The following KATNAL2 variants were observed in gnomAD, a reference collection of about 807,000 sequenced individuals.
The protein encoded by KATNAL2 is katanin catalytic subunit A1 like 2, also known as katanin p60 ATPase-containing subunit A-like 2.
A neutral mutation model predicts 76.3 loss-of-function variants in KATNAL2; 52 were observed. The observed-to-expected ratio is 0.68, with a 90% CI of 0.55 to 0.86. KATNAL2 has a LOEUF of 0.86. Among genes scored for constraint, KATNAL2 ranks in the 40% least tolerant of loss-of-function variants. The probability of loss-of-function intolerance (pLI) is 0.00; values close to 1 mark genes in which losing one functional copy is unlikely to be tolerated. For missense variants in KATNAL2, 660 were observed against 668.9 expected (o/e 0.99, Z 0.15); for synonymous variants, 243 against 244.2 (o/e 1.00, Z 0.05).
chr18:47,060,828 T>A (rs1370658591), intron 8 of KATNAL2, among the ~76,000 whole-genome samples: 1 of 152,214 alleles, frequency 6.6e-6, no homozygotes, highest in Non-Finnish European at 1.5e-5. Flanking sequence ...GCCATGGGAA[T>A]CAACACCTCC....
chr18:46,947,282 A>G (rs1040193064), intron 3 of KATNAL2, among the ~76,000 whole-genome samples: 6 of 152,252 alleles, frequency 3.9e-5, no homozygotes, highest in African/African-American at 1.2e-4. Flanking sequence ...GTTGAAAGAC[A>G]GGAAAACATT....
chr18:46,927,904 C>T (rs952778453), intron 1 of KATNAL2, among the ~76,000 whole-genome samples: 13 of 152,194 alleles, frequency 8.5e-5, no homozygotes, highest in Admixed American at 1.3e-4. Flanking sequence ...GCATTCGTCA[C>T]GTAGCTCTTG....
chr18:46,945,455 A>G (rs778696888), intron 1 of KATNAL2, among the ~76,000 whole-genome samples: 8 of 152,212 alleles, frequency 5.3e-5, no homozygotes, highest in Non-Finnish European at 1.0e-4. Flanking sequence ...AGCCAAATAA[A>G]CTACTCATTA....
rs183747524 is a variant in KATNAL2, at chr18:47,069,982, C to A, written c.1008+382C>A. ...TGAGAGGCTACTACTGTATGTTAGTCCCTATGCTAGATACTCTAAGAAAGA... is the reference window on the plus strand; with the variant it reads ...TGAGAGGCTACTACTGTATGTTAGTACCTATGCTAGATACTCTAAGAAAGA... On this transcript the variant is annotated intron_variant, in intron 13 of 17. Transcript: ENST00000683218. Among the ~76,000 whole-genome samples, 247 of 152,242 alleles carry A rather than the reference C, an allele frequency of 1.6e-3. 1 individual carries two copies. Among genetic ancestry groups the A allele is most frequent in the African/African-American group, 5.2e-3 (214 of 41,548 alleles).
At position 47,101,501 on chromosome 18, in the gene KATNAL2, A is replaced by G. The variant is rs1186869953; in HGVS notation, c.*496A>G. ...GTTTCTCATTCCGGACAATATTCTG[A>G]ATCTCATCAGCTCCCCCTAATTCTG... On this transcript the variant is annotated 3_prime_UTR_variant, in exon 18 of 18. Coordinates refer to ENST00000683218, the MANE Select transcript of KATNAL2 (RefSeq NM_001387690.1). 6.2e-6 allele frequency: 1 copy of G among 160,050 alleles called. No individual in the cohort carries two copies. Among genetic ancestry groups the G allele is most frequent in the African/African-American group, 2.4e-5 (1 of 41,574 alleles). The allele number at this position is 160,050 out of a possible 1,614,324, so 9.9% of individuals were successfully genotyped here.
chr18:46,944,375 A>G (rs1382308651), intron 1 of KATNAL2, among the ~76,000 whole-genome samples: 1 of 152,238 alleles, frequency 6.6e-6, no homozygotes, highest in Non-Finnish European at 1.5e-5. Context: ...ACGCGGTATA[A>G]TGAGTATTAA....
chr18:46,946,923 G>C lies in KATNAL2; in HGVS notation c.51G>C (p.Ala17=). ...AATTCACGCATCAGGCGCGGGAAGC[G>C]GTAAGGAACGCATATATAAAACATG... The part of the protein sequence containing the change: ...TLKFTHQARE[A]CEMRTEARRK... Residue 17 remains alanine (A), a splice_region_variant and synonymous_variant, in exon 3 of 18, where the codon GCG becomes GCC. Transcript: ENST00000683218. The C allele has an allele frequency of 6.6e-7, 1 of 1,521,566 alleles. No individual in the cohort carries two copies. The highest frequency in any genetic ancestry group is 8.8e-7 in the Non-Finnish European group (1 of 1,133,574). The allele number at this position is 1,521,566 out of a possible 1,614,324, so 94.3% of individuals were successfully genotyped here. A position where few individuals can be genotyped will look rare whatever the true frequency, so the allele number is the denominator to read the frequency against.
At chr18:47,061,853 C>CTAT (rs1221978989) in intron 8 of KATNAL2, among the ~76,000 whole-genome samples, 29 of 119,400 alleles carry the variant, frequency 2.4e-4, no homozygotes, top group African/African-American at 7.8e-4. Flanking sequence ...TAAATGTTAA[C>CTAT]TATTATTATT....
At chr18:46,936,148 C>T (rs900531725) in intron 1 of KATNAL2, among the ~76,000 whole-genome samples, 3 of 152,162 alleles carry the variant, frequency 2.0e-5, no homozygotes, top group Non-Finnish European at 4.4e-5. Context: ...ATACCTATCT[C>T]AGTAACTGAG....
At chr18:46,948,950 G>A (rs562736887) in intron 3 of KATNAL2, among the ~76,000 whole-genome samples, 1 of 151,352 alleles carries the variant, frequency 6.6e-6, no homozygotes, top group Admixed American at 6.6e-5. Context: ...CATTCAGGCT[G>A]GAGTGCAGTG....
intron 4 of KATNAL2, among the ~76,000 whole-genome samples, chr18:47,049,119 A>G (rs576664641): frequency 6.6e-6 from 1 of 152,262 alleles, no homozygotes; most frequent in African/African-American, 2.4e-5. Flanking sequence ...CACCGCGCCC[A>G]GCCCAGACTA....
chr18:46,921,867 A>T (rs2058563914), intron 1 of KATNAL2, among the ~76,000 whole-genome samples: 1 of 151,996 alleles, frequency 6.6e-6, no homozygotes, highest in Admixed American at 6.6e-5. Context: ...ATTAGACTTT[A>T]CTGATTTTAA....
chr18:46,931,255 G>A (rs143324911), intron 1 of KATNAL2, among the ~76,000 whole-genome samples: 1,888 of 146,324 alleles, frequency 0.013, 36 homozygotes, highest in African/African-American at 0.043. Flanking sequence ...AGCTGAGATC[G>A]CTCCACTGCA....
In KATNAL2 at chr18:46,920,485, C is replaced by T. The variant is rs373811474; in HGVS notation, c.-510+2559C>T. Among the ~76,000 whole-genome samples the T allele has an allele frequency of 3.3e-5, 5 of 152,194 alleles. No individual in the cohort carries two copies. In the East Asian group the frequency reaches 9.6e-4, roughly 29 times the overall value. On this transcript the variant is annotated intron_variant, in intron 1 of 17. Coordinates refer to ENST00000683218, the MANE Select transcript of KATNAL2 (RefSeq NM_001387690.1). ...CTCAGCATTGACTTTGATACTCACTCTGCCTCTGTACTGGCCAGTTTTCTT... is the reference window on the plus strand; with the variant it reads ...CTCAGCATTGACTTTGATACTCACTTTGCCTCTGTACTGGCCAGTTTTCTT...
At chr18:47,057,876 A>G (rs1423307714) in intron 6 of KATNAL2, among the ~76,000 whole-genome samples, 3 of 152,234 alleles carry the variant, frequency 2.0e-5, no homozygotes, top group Admixed American at 1.3e-4. Flanking sequence ...CTCCTGGTCT[A>G]ATGCTCCTTT....
intron 13 of KATNAL2, among the ~76,000 whole-genome samples, chr18:47,073,978 A>C (rs2062098210): frequency 6.6e-6 from 1 of 152,178 alleles, no homozygotes; most frequent in African/African-American, 2.4e-5. Context: ...TGAGCACCTT[A>C]AAAACATGTA....
chr18:47,096,093 G>T (rs766014157), intron 15 of KATNAL2, among the ~76,000 whole-genome samples: 3 of 152,170 alleles, frequency 2.0e-5, no homozygotes, highest in Non-Finnish European at 4.4e-5. Flanking sequence ...CCTGGACTAT[G>T]GATTCTCAGC....
rs977905981 is a variant in KATNAL2, at chr18:47,101,064, A to G, written c.*59A>G. On this transcript the variant is annotated 3_prime_UTR_variant, in exon 18 of 18. Coordinates refer to ENST00000683218, the MANE Select transcript of KATNAL2 (RefSeq NM_001387690.1). ...ACCACAAAGACCTCCTAGTTTATTA[A>G]TGTCCGTGGGAGAACAAAATGATTG... The G allele has an allele frequency of 1.8e-5, 28 of 1,583,810 alleles. No individual in the cohort carries two copies. The highest frequency in any genetic ancestry group is 2.3e-5 in the Non-Finnish European group (27 of 1,155,702).
At chr18:47,031,333 G>C (rs551824300) in intron 3 of KATNAL2, among the ~76,000 whole-genome samples, 116 of 151,438 alleles carry the variant, frequency 7.7e-4, no homozygotes, top group African/African-American at 2.7e-3. Context: ...TTTGAAATAT[G>C]TATGTTTTCG....
Sources: allele counts gnomAD v4.1 joint callset (sites outside exome capture counted in the v4.1 genomes callset), GRCh38; gene constraint gnomAD v4.1.1; transcripts MANE v1.5; gene names NCBI Gene and HGNC (gene_info 2026-07-23, HGNC 2026-07-21).